SYNE1: variants seen among roughly 807,000 people sequenced by gnomAD.
SYNE1 encodes nesprin-1.
Under a neutral mutation model 1,111.0 loss-of-function variants are expected in SYNE1, and 616 were observed. The ratio of observed to expected loss-of-function variants is 0.55; its 90% CI spans 0.52 to 0.59. The LOEUF (loss-of-function observed/expected upper bound fraction) is 0.59. Among genes scored for constraint, SYNE1 ranks in the 20% least tolerant of loss-of-function variants. The pLI is 0.00. For synonymous variants in SYNE1, 3,855 were observed against 3,825.8 expected (o/e 1.01, Z -0.28); for missense variants, 10,006 against 10,417.0 (o/e 0.96, Z 1.72).
At chr6:152,620,656 GAAT>G (rs2099673404) in intron 3 of SYNE1, among the ~76,000 whole-genome samples, 1 of 151,866 alleles carries the variant, frequency 6.6e-6, no homozygotes, top group Non-Finnish European at 1.5e-5. Context: ...AATATATCTA[GAAT>G]ATTACCACCT....
intron 87 of SYNE1, 81 bp from the exon 88 acceptor site, chr6:152,310,954 C>G: frequency 2.1e-6 from 3 of 1,447,662 alleles, no homozygotes; most frequent in Non-Finnish European, 2.8e-6. Flanking sequence ...GCATAAAATG[C>G]CCTGTGTAAG....
Position 152,560,035 on chromosome 6 carries a change from T to C in SYNE1, c.68-20014A>G, listed in dbSNP as rs189105396. On this transcript the variant is annotated intron_variant, in intron 3 of 145. Transcript: ENST00000367255. ...AAGAAATGGATAAATTCCAGACACG[T>C]ACAATCTACCAAAACTGAATCAAGA... Among the ~76,000 whole-genome samples, 6 of 152,064 alleles carry C rather than the reference T, an allele frequency of 3.9e-5. No homozygotes were observed. In the East Asian group the frequency reaches 9.7e-4, roughly 25 times the overall value.
Position 152,318,161 on chromosome 6 carries a change from C to T in SYNE1, c.16492G>A (p.Ala5498Thr). The T allele has an allele frequency of 6.2e-7, 1 of 1,614,140 alleles. No individual in the cohort carries two copies. The highest frequency in any genetic ancestry group is 8.5e-7 in the Non-Finnish European group (1 of 1,180,032). The change falls in exon 86 of 146, where the codon GCC (alanine) becomes ACC (threonine). Residue 5498 changes from alanine to threonine, a missense_variant. Around this residue, in one of 7 missense-constraint regions of SYNE1, gnomAD observed 4,955 missense variants for 5,017.2 expected, o/e 0.99. Coordinates refer to ENST00000367255, the MANE Select transcript of SYNE1 (RefSeq NM_182961.4). ...TCAGTCAGTTTTCCTATCTTCTTGG[C>T]CAGTGGCTTACCCAGTTGGCCATTC... ...EQNGQLGKPLAKKIGKLTELH... is the reference protein window; with the variant it reads ...EQNGQLGKPLTKKIGKLTELH...
intron 3 of SYNE1, among the ~76,000 whole-genome samples, chr6:152,615,374 T>A (rs2099642985): frequency 6.6e-6 from 1 of 152,172 alleles, no homozygotes; most frequent in African/African-American, 2.4e-5. Context: ...ACTATTGTTA[T>A]CATCATATTA....
chr6:152,600,415 C>A (rs2099593378), intron 3 of SYNE1, among the ~76,000 whole-genome samples: 1 of 152,032 alleles, frequency 6.6e-6, no homozygotes, highest in African/African-American at 2.4e-5. Flanking sequence ...TAAAATTGTT[C>A]CTATTTTTTT....
intron 49 of SYNE1, among the ~76,000 whole-genome samples, chr6:152,397,818 T>A (rs984288041): frequency 2.0e-5 from 3 of 152,110 alleles, no homozygotes. Context: ...CTGGCCTACA[T>A]GGTGAAACCT....
intron 124 of SYNE1, 49 bp from the exon 125 acceptor site, chr6:152,208,255 C>T: frequency 6.5e-7 from 1 of 1,545,950 alleles, no homozygotes; most frequent in Non-Finnish European, 8.9e-7. Flanking sequence ...ATCTTGGATG[C>T]AGTTACGCAA....
chr6:152,382,124 T>C (rs899107989), intron 55 of SYNE1, among the ~76,000 whole-genome samples: 4 of 152,248 alleles, frequency 2.6e-5, no homozygotes, highest in African/African-American at 9.6e-5. Flanking sequence ...GTTAAATTGA[T>C]ATAATTGCAG....
intron 59 of SYNE1, among the ~76,000 whole-genome samples, chr6:152,371,803 G>T (rs1000465247): frequency 8.1e-5 from 12 of 147,268 alleles, no homozygotes; most frequent in African/African-American, 3.0e-4. Context: ...GAAGGGAAAG[G>T]AAAGGATAAG....
intron 130 of SYNE1, among the ~76,000 whole-genome samples, chr6:152,171,293 C>G (rs1179925862): frequency 6.6e-6 from 1 of 152,206 alleles, no homozygotes; most frequent in Non-Finnish European, 1.5e-5. Flanking sequence ...AGCTGAAGCC[C>G]GAAGCCAATG....
chr6:152,213,374 A>G (rs1199532637), intron 123 of SYNE1, among the ~76,000 whole-genome samples: 1 of 152,206 alleles, frequency 6.6e-6, no homozygotes. Flanking sequence ...CTGGCATTAT[A>G]CTTTACAAGG....
At position 152,494,874 on chromosome 6, in the gene SYNE1, C is replaced by T. The variant is rs2098990648; in HGVS notation, c.939+3868G>A. ...GCTGATAAGACAGCTAAAGAAGCAGCCAGTATTCCTACTTATGTCCCTCAT... is the reference window on the plus strand; with the variant it reads ...GCTGATAAGACAGCTAAAGAAGCAGTCAGTATTCCTACTTATGTCCCTCAT... On this transcript the variant is annotated intron_variant, in intron 11 of 145. Transcript: ENST00000367255. 2.0e-5 allele frequency among the ~76,000 whole-genome samples: 3 copies of T among 152,212 alleles called. No individual in the cohort carries two copies. The South Asian group carries it at 6.2e-4, about 32-fold the overall frequency.
Position 152,302,029 on chromosome 6 carries a change from T to C in SYNE1, c.17381A>G (p.Gln5794Arg), listed in dbSNP as rs1432881482. ...GCACTTGGAATTCAAAGAAGCGATC[T>C]GCTCCTGGTAGCCCTTAATTTTCTG... ...LAQKIKGYQEQIASLNSKCKM... is the reference protein window; with the variant it reads ...LAQKIKGYQERIASLNSKCKM... Residue 5794 changes from glutamine to arginine, a missense_variant, in exon 92 of 146, where the codon CAG becomes CGG. Coordinates refer to ENST00000367255, the MANE Select transcript of SYNE1 (RefSeq NM_182961.4). The C allele has an allele frequency of 2.5e-6, 4 of 1,614,264 alleles. No individual in the cohort carries two copies. The highest frequency in any genetic ancestry group is 3.4e-6 in the Non-Finnish European group (4 of 1,180,048).
chr6:152,534,166 AAATAAATG>A (rs1295813809), intron 4 of SYNE1, among the ~76,000 whole-genome samples: 86 of 146,748 alleles, frequency 5.9e-4, no homozygotes, highest in African/African-American at 2.2e-3. Context: ...TCAAAAAAAT[AAATAAATG>A]AATGAATGAA....
At position 152,630,229 on chromosome 6, in the gene SYNE1, A is replaced by T. The variant is rs559769539; in HGVS notation, c.-223-1675T>A. 2.6e-5 allele frequency among the ~76,000 whole-genome samples: 4 copies of T among 152,334 alleles called. No homozygotes were observed. In the East Asian group the frequency reaches 5.8e-4, roughly 22 times the overall value. ...AGCAAGAAAGCATTACTAACTTAGC[A>T]AGACATGGGACAGCGATGCAGTGAA... On this transcript the variant is annotated intron_variant, in intron 2 of 145. Transcript: ENST00000367255.
chr6:152,255,176 G>C (rs1253317608), intron 103 of SYNE1, 87 bp from the exon 104 acceptor site: 2 of 1,146,506 alleles, frequency 1.7e-6, no homozygotes, highest in Non-Finnish European at 2.5e-6. Context: ...AAGTCAACTA[G>C]ATCTCTCTGG....
Position 152,399,741 on chromosome 6 carries a change from T to C in SYNE1, c.7112A>G (p.His2371Arg). 6.2e-7 allele frequency: 1 copy of C among 1,614,104 alleles called. No homozygotes were observed. The highest frequency in any genetic ancestry group is 1.7e-4 in the Middle Eastern group (1 of 6,060). Residue 2371 changes from histidine (H) to arginine (R), a missense_variant, in exon 48 of 146, where the codon CAC becomes CGC. Physicochemically the swap from His to Arg is conservative, Grantham distance 29 (BLOSUM62 0). Transcript: ENST00000367255. ...GCCCAGGCTCTCCAACTCAGCTGAGTGGTACTTGCGGCACAAGCTATTGAG... is the reference window on the plus strand; with the variant it reads ...GCCCAGGCTCTCCAACTCAGCTGAGCGGTACTTGCGGCACAAGCTATTGAG... Reference protein sequence around the residue: ...ENLNSLCRKYHSAELESLGRA... With the variant: ...ENLNSLCRKYRSAELESLGRA...
At chr6:152,412,280 T>C (rs214982) in intron 42 of SYNE1, among the ~76,000 whole-genome samples, 77,282 of 151,506 alleles carry the variant, frequency 0.51, 21,503 homozygotes, top group East Asian at 0.75. Context: ...AAAAATTAGC[T>C]GGGTGTGGTG....
chr6:152,548,273 T>C (rs923237573), intron 3 of SYNE1, among the ~76,000 whole-genome samples: 10 of 152,182 alleles, frequency 6.6e-5, no homozygotes, highest in African/African-American at 2.4e-4. Context: ...ACCACAACTT[T>C]GTGTGTCTAG....
Sources: allele counts gnomAD v4.1 joint callset (sites outside exome capture counted in the v4.1 genomes callset), GRCh38; gene constraint gnomAD v4.1.1; regional missense constraint gnomAD v4.1.1; transcripts MANE v1.5; gene names NCBI Gene and HGNC (gene_info 2026-07-23, HGNC 2026-07-21).